LCP1: variants seen among roughly 807,000 people sequenced by gnomAD.
LCP1 encodes lymphocyte cytosolic protein 1, also known as plastin-2.
Under a neutral mutation model 72.0 loss-of-function variants are expected in LCP1, and 23 were observed. The observed-to-expected ratio is 0.32, with a 90% CI of 0.23 to 0.45. The LOEUF is 0.45. Among genes scored for constraint, LCP1 ranks in the 20% least tolerant of loss-of-function variants. The pLI is 1.00. For missense variants in LCP1, 571 were observed against 748.3 expected, an observed-to-expected ratio of 0.76 and a Z score of 2.76; for synonymous variants, 245 against 275.4, an observed-to-expected ratio of 0.89 and a Z score of 1.09.
chr13:46,140,560 T>C (rs948722970), intron 13 of LCP1, among the ~76,000 whole-genome samples: 1 of 152,200 alleles, frequency 6.6e-6, no homozygotes, highest in Non-Finnish European at 1.5e-5. Flanking sequence ...TTTAAAGGAA[T>C]ACAGAAATAT....
At chr13:46,178,192 G>A (rs534071472) in intron 1 of LCP1, among the ~76,000 whole-genome samples, 185 of 152,206 alleles carry the variant, frequency 1.2e-3, no homozygotes, top group Middle Eastern at 3.4e-3. Context: ...CTTTCATAGG[G>A]TTAAAGCACT....
intron 7 of LCP1, 113 bp downstream of exon 7, chr13:46,152,667 A>G: frequency 3.9e-6 from 4 of 1,038,300 alleles, no homozygotes; most frequent in Non-Finnish European, 5.6e-6. Context: ...TGGAATCAAT[A>G]TAACTGTGTA....
chr13:46,178,825 T>C (rs533743175), intron 1 of LCP1, among the ~76,000 whole-genome samples: 2 of 152,238 alleles, frequency 1.3e-5, no homozygotes, highest in Non-Finnish European at 2.9e-5. Context: ...CAAGCCTTTA[T>C]AATCTTATTT....
Position 46,128,333 on chromosome 13 carries a change from T to C in LCP1, c.1752-610A>G, listed in dbSNP as rs548092557. Among the ~76,000 whole-genome samples the C allele has an allele frequency of 7.9e-5, 12 of 152,254 alleles. No individual in the cohort carries two copies. In the South Asian group the frequency reaches 2.5e-3, roughly 32 times the overall value. On this transcript the variant is annotated intron_variant, in intron 15 of 15. Coordinates refer to ENST00000323076, the MANE Select transcript of LCP1 (RefSeq NM_002298.5). Reference sequence around the variant, plus strand: ...CCTGACCTTGGCCAGGCGCGGTGGCTCACGCCTGTAATCCCAACACTTCGG... The same window carrying C: ...CCTGACCTTGGCCAGGCGCGGTGGCCCACGCCTGTAATCCCAACACTTCGG...
intron 8 of LCP1, among the ~76,000 whole-genome samples, chr13:46,149,551 G>A (rs762614685): frequency 6.6e-6 from 1 of 152,112 alleles, no homozygotes; most frequent in Admixed American, 6.5e-5. Context: ...TGTTCTCCTC[G>A]CCTTTGCCAA....
At chr13:46,131,045 C>A in intron 14 of LCP1, 107 bp from the exon 15 acceptor site, 3 of 1,150,106 alleles carry the variant, frequency 2.6e-6, no homozygotes, top group Non-Finnish European at 3.6e-6. Flanking sequence ...ATATATACAG[C>A]CTGGTCTGGG....
intron 1 of LCP1, among the ~76,000 whole-genome samples, chr13:46,171,987 C>T (rs1476405424): frequency 6.6e-6 from 1 of 152,250 alleles, no homozygotes; most frequent in Non-Finnish European, 1.5e-5. Flanking sequence ...GACTGCAGGA[C>T]TTGAGTATGT....
chr13:46,151,219 C>T, intron 7 of LCP1, 141 bp from the exon 8 acceptor site: 1 of 724,534 alleles, frequency 1.4e-6, no homozygotes, highest in Non-Finnish European at 2.1e-6. Flanking sequence ...GTAGCCTTTC[C>T]CATGGATTAA....
intron 1 of LCP1, among the ~76,000 whole-genome samples, chr13:46,160,091 G>C (rs1593958184): frequency 6.6e-6 from 1 of 152,150 alleles, no homozygotes; most frequent in Non-Finnish European, 1.5e-5. Context: ...CAATTTCCAT[G>C]ACATGAGACA....
chr13:46,129,633 G>A (rs952816606), intron 15 of LCP1, among the ~76,000 whole-genome samples: 3 of 151,980 alleles, frequency 2.0e-5, no homozygotes, highest in African/African-American at 7.3e-5. Context: ...TTGGCATCCC[G>A]AGAGCACAGG....
chr13:46,171,352 A>C (rs2045903549), intron 1 of LCP1, among the ~76,000 whole-genome samples: 1 of 152,116 alleles, frequency 6.6e-6, no homozygotes, highest in Admixed American at 6.5e-5. Context: ...TGAAGGTCAA[A>C]GCTCTGACCT....
At chr13:46,144,363 C>T (rs917009621) in intron 11 of LCP1, 79 bp downstream of exon 11, 44 of 1,087,832 alleles carry the variant, frequency 4.0e-5, no homozygotes, top group Non-Finnish European at 5.6e-5. Flanking sequence ...AGAGAATGCA[C>T]ATCATAGTGG....
intron 9 of LCP1, among the ~76,000 whole-genome samples, chr13:46,147,599 C>T (rs9590949): frequency 0.016 from 2,417 of 152,192 alleles, 67 homozygotes; most frequent in African/African-American, 0.055. Context: ...GGTATACTTG[C>T]AACCCAAATA....
Position 46,143,404 on chromosome 13 carries a change from A to G in LCP1, c.1254T>C (p.Ser418=), listed in dbSNP as rs780144296. The G allele has an allele frequency of 2.6e-5, 42 of 1,599,894 alleles. No homozygotes were observed. The highest frequency in any genetic ancestry group is 3.3e-5 in the Non-Finnish European group (38 of 1,167,220). ...GVNPRVNHLY[S]DLSDALVIFQ... ...AGATGACCAGGGCATCTGATAAGTC[A>G]CTGAACAAAACAAACACAAAAGGAT... The change falls in exon 12 of 16, where the codon AGT becomes AGC. Residue 418 remains serine, a splice_region_variant and synonymous_variant. Transcript: ENST00000323076.
At chr13:46,158,693 C>A in intron 3 of LCP1, 42 bp from the exon 4 acceptor site, 1 of 1,611,986 alleles carries the variant, frequency 6.2e-7, no homozygotes, top group South Asian at 1.1e-5. Context: ...AAGCAGTGAT[C>A]AAGAAAATCA....
In LCP1 at chr13:46,126,336, A is replaced by G. The variant is rs1429011615; in HGVS notation, c.*1255T>C. ...AGGGGGAAATTGCTCAACCTATGAGACCTGCTCAAATTCATACTGTTCTGG... is the reference window on the plus strand; with the variant it reads ...AGGGGGAAATTGCTCAACCTATGAGGCCTGCTCAAATTCATACTGTTCTGG... On this transcript the variant is annotated 3_prime_UTR_variant, in exon 16 of 16. Transcript: ENST00000323076. The G allele has an allele frequency of 4.3e-6, 1 of 229,894 alleles. No individual in the cohort carries two copies. Among genetic ancestry groups the G allele is most frequent in the African/African-American group, 2.2e-5 (1 of 45,172 alleles). 14.2% of individuals were successfully genotyped at this position (229,894 alleles called of 1,614,324 possible). A position where few individuals can be genotyped will look rare whatever the true frequency, so the allele number is the denominator to read the frequency against.
chr13:46,135,045 G>A (rs929045337), intron 13 of LCP1, among the ~76,000 whole-genome samples: 7 of 143,588 alleles, frequency 4.9e-5, no homozygotes, highest in Non-Finnish European at 1.0e-4. Flanking sequence ...GGAGGCAGAG[G>A]TTGCAGTGAG....
At chr13:46,142,216 A>G in intron 13 of LCP1, 76 bp downstream of exon 13, 2 of 1,453,318 alleles carry the variant, frequency 1.4e-6, no homozygotes, top group South Asian at 1.2e-5. Context: ...ATTAACTCAT[A>G]CTGCTAAAAA....
intron 7 of LCP1, among the ~76,000 whole-genome samples, chr13:46,151,910 T>C (rs2138249757): frequency 6.6e-6 from 1 of 152,362 alleles, no homozygotes; most frequent in East Asian, 1.9e-4. Context: ...CAGGGGGCTG[T>C]CACTGTTTAC....
Sources: allele counts gnomAD v4.1 joint callset (sites outside exome capture counted in the v4.1 genomes callset), GRCh38; gene constraint gnomAD v4.1.1; transcripts MANE v1.5; gene names NCBI Gene and HGNC (gene_info 2026-07-23, HGNC 2026-07-21).